ANKRD55: variants seen among roughly 807,000 people sequenced by gnomAD.
The protein encoded by ANKRD55 is ankyrin repeat domain-containing protein 55.
In ANKRD55, 41 loss-of-function variants were observed where a neutral mutation model predicts 60.6. The ratio of observed to expected loss-of-function variants is 0.68; its 90% CI spans 0.53 to 0.88. ANKRD55 has a LOEUF of 0.88. ANKRD55 is among the 40% of genes least tolerant of loss of function. The pLI, the probability that ANKRD55 is intolerant of heterozygous loss-of-function variation, is 0.00. For missense variants in ANKRD55, 732 were observed against 767.6 expected (o/e 0.95, Z 0.55); for synonymous variants, 264 against 290.3 (o/e 0.91, Z 0.92).
intron 7 of ANKRD55, among the ~76,000 whole-genome samples, chr5:56,130,215 G>A (rs141456855): frequency 2.6e-5 from 4 of 152,282 alleles, no homozygotes; most frequent in African/African-American, 9.6e-5. Context: ...AGAGCACTCT[G>A]TTCTTCTTAA....
chr5:56,202,468 T>G (rs893602856), intron 2 of ANKRD55, among the ~76,000 whole-genome samples: 1 of 152,220 alleles, frequency 6.6e-6, no homozygotes, highest in Non-Finnish European at 1.5e-5. Context: ...TTTTTACCAT[T>G]TCTCATGTCT....
intron 2 of ANKRD55, among the ~76,000 whole-genome samples, chr5:56,224,092 G>C (rs1358617786): frequency 2.0e-5 from 3 of 152,158 alleles, no homozygotes; most frequent in Non-Finnish European, 2.9e-5. Flanking sequence ...TGGAAGTAAA[G>C]CACTCCTCAA....
At chr5:56,181,354 G>A (rs1758845605) in intron 3 of ANKRD55, among the ~76,000 whole-genome samples, 1 of 151,756 alleles carries the variant, frequency 6.6e-6, no homozygotes, top group South Asian at 2.1e-4. Flanking sequence ...TGTTGTTGTT[G>A]TTGATACTCT....
chr5:56,100,849 G>T (rs984525022), intron 11 of ANKRD55, among the ~76,000 whole-genome samples: 1 of 152,194 alleles, frequency 6.6e-6, no homozygotes, highest in African/African-American at 2.4e-5. Context: ...AGCTCCAACA[G>T]CATTCAAGAC....
At chr5:56,142,096 G>A (rs573464280) in intron 7 of ANKRD55, among the ~76,000 whole-genome samples, 6 of 152,128 alleles carry the variant, frequency 3.9e-5, no homozygotes, top group Middle Eastern at 3.2e-3. Flanking sequence ...TTGGGAGGCC[G>A]AGCGGGGCAG....
intron 2 of ANKRD55, among the ~76,000 whole-genome samples, chr5:56,186,532 G>A (rs545653140): frequency 2.6e-5 from 4 of 152,198 alleles, no homozygotes; most frequent in African/African-American, 4.8e-5. Context: ...AGTTTGTTGT[G>A]AGGAAAAAAA....
At position 56,100,056 on chromosome 5, in the gene ANKRD55, A is replaced by G. The variant is rs189331642; in HGVS notation, c.*127T>C. The G allele has an allele frequency of 1.6e-6, 2 of 1,284,448 alleles. No individual in the cohort carries two copies. Among genetic ancestry groups the G allele is most frequent in the Non-Finnish European group, 2.2e-6 (2 of 914,684 alleles). The allele number at this position is 1,284,448 out of a possible 1,614,324, so 79.6% of individuals were successfully genotyped here. A position where few individuals can be genotyped will look rare whatever the true frequency, so the allele number is the denominator to read the frequency against. On this transcript the variant is annotated 3_prime_UTR_variant, in exon 12 of 12. Transcript: ENST00000341048. ...TATTTGGAATAAAGAATTTCGAGTT[A>G]TAAAACTGATGGCTTATAGAATGCA... is the stretch of plus-strand genomic sequence containing the variant.
chr5:56,180,168 C>T (rs960470604), intron 3 of ANKRD55, among the ~76,000 whole-genome samples: 3 of 151,990 alleles, frequency 2.0e-5, no homozygotes, highest in African/African-American at 4.8e-5. Context: ...TATAACAGAC[C>T]CACTCCCATG....
chr5:56,199,759 C>T (rs1377711562), intron 2 of ANKRD55, among the ~76,000 whole-genome samples: 9 of 151,702 alleles, frequency 5.9e-5, no homozygotes, highest in South Asian at 4.2e-4. Flanking sequence ...GGCGTGGTGG[C>T]GGGCGCCTGT....
chr5:56,181,033 C>A (rs1758838772), intron 3 of ANKRD55, among the ~76,000 whole-genome samples: 1 of 152,122 alleles, frequency 6.6e-6, no homozygotes, highest in Admixed American at 6.6e-5. Context: ...AAACCTGTCT[C>A]TACTAAAAAT....
intron 2 of ANKRD55, among the ~76,000 whole-genome samples, chr5:56,224,376 C>G (rs921055959): frequency 1.1e-3 from 170 of 151,412 alleles, no homozygotes; most frequent in African/African-American, 3.9e-3. Context: ...ATGCCCACAA[C>G]AGAAAGCAGG....
intron 11 of ANKRD55, among the ~76,000 whole-genome samples, chr5:56,101,125 A>G (rs565880613): frequency 6.6e-6 from 1 of 152,128 alleles, no homozygotes; most frequent in African/African-American, 2.4e-5. Context: ...CCTATTTTTC[A>G]TTGTTTTTAC....
intron 5 of ANKRD55, chr5:56,162,020 C>A: frequency 1.0e-6 from 1 of 985,318 alleles, no homozygotes; most frequent in Non-Finnish European, 1.2e-6. Context: ...TCCTTTCTGT[C>A]TTCTCTGGCT....
At chr5:56,104,674 GATA>G (rs1459008649) in intron 10 of ANKRD55, among the ~76,000 whole-genome samples, 1 of 152,082 alleles carries the variant, frequency 6.6e-6, no homozygotes, top group Non-Finnish European at 1.5e-5. Context: ...TAATAATAAT[GATA>G]ATAACAATAA....
intron 3 of ANKRD55, among the ~76,000 whole-genome samples, chr5:56,182,497 T>C (rs1758872134): frequency 6.6e-6 from 1 of 152,236 alleles, no homozygotes; most frequent in East Asian, 1.9e-4. Flanking sequence ...GTTTTAAGCA[T>C]GTTTTCAATT....
intron 2 of ANKRD55, among the ~76,000 whole-genome samples, chr5:56,215,235 T>A (rs552060919): frequency 7.9e-5 from 12 of 152,302 alleles, no homozygotes; most frequent in Admixed American, 7.2e-4. Context: ...GCTTCCGTGA[T>A]AAAAGCCAAG....
intron 6 of ANKRD55, among the ~76,000 whole-genome samples, chr5:56,155,586 C>A (rs1165457037): frequency 6.6e-6 from 1 of 152,128 alleles, no homozygotes; most frequent in Admixed American, 6.5e-5. Flanking sequence ...ATGAGGGACT[C>A]CATTTTGATA....
chr5:56,102,038 G>T (rs1186337516), intron 11 of ANKRD55, among the ~76,000 whole-genome samples: 1 of 152,094 alleles, frequency 6.6e-6, no homozygotes, highest in Admixed American at 6.5e-5. Flanking sequence ...AAGCTTTAAA[G>T]ATGGTCTCTG....
intron 7 of ANKRD55, chr5:56,137,473 A>G: frequency 1.2e-6 from 1 of 802,060 alleles, no homozygotes; most frequent in Admixed American, 1.7e-5. Flanking sequence ...GAGATTGCCC[A>G]GAAGAAAAAG....
Sources: gnomAD v4.1 joint callset for allele counts (sites outside exome capture counted in the v4.1 genomes callset) on GRCh38, gnomAD v4.1.1 for gene constraint, MANE v1.5 for transcripts, NCBI Gene and HGNC (gene_info 2026-07-23, HGNC 2026-07-21) for gene names.